The following CORIN variants were observed in gnomAD, a reference collection of about 807,000 sequenced individuals.
The protein encoded by CORIN is corin, serine peptidase.
A neutral mutation model predicts 125.3 loss-of-function variants in CORIN; 117 were observed. The observed-to-expected ratio is 0.93, with a 90% CI of 0.80 to 1.09. The LOEUF (loss-of-function observed/expected upper bound fraction) is 1.09. Ranked by LOEUF, CORIN falls within the 50% of genes least tolerant of loss-of-function variation. The probability of loss-of-function intolerance (pLI) is 0.00; values close to 1 mark genes in which losing one functional copy is unlikely to be tolerated. For missense variants in CORIN, 1,253 were observed against 1,306.7 expected (o/e 0.96, Z 0.63); for synonymous variants, 450 against 466.4 (o/e 0.96, Z 0.45).
At chr4:47,670,619 G>A (rs1724706649) in intron 10 of CORIN, among the ~76,000 whole-genome samples, 1 of 152,236 alleles carries the variant, frequency 6.6e-6, no homozygotes, top group Non-Finnish European at 1.5e-5. Flanking sequence ...GGAGGCTTGA[G>A]AGAGGGCCTG....
At chr4:47,701,433 G>A (rs1477318040) in intron 5 of CORIN, among the ~76,000 whole-genome samples, 1 of 152,068 alleles carries the variant, frequency 6.6e-6, no homozygotes, top group Non-Finnish European at 1.5e-5. Context: ...AAAAATAAGA[G>A]CTAAGTATAC....
intron 19 of CORIN, among the ~76,000 whole-genome samples, chr4:47,618,417 G>A (rs1319994171): frequency 1.3e-5 from 2 of 151,908 alleles, no homozygotes; most frequent in African/African-American, 4.8e-5. Flanking sequence ...GACTTTGGAG[G>A]CCTGCCCAGT....
At chr4:47,709,698 GT>G (rs1273941541) in intron 5 of CORIN, among the ~76,000 whole-genome samples, 4 of 151,900 alleles carry the variant, frequency 2.6e-5, no homozygotes, top group Admixed American at 1.3e-4. Context: ...TGATTATAAG[GT>G]TTTTTTCTTA....
rs1721226866 is a variant in CORIN, at chr4:47,595,789, T to C, written c.3061A>G (p.Ser1021Gly). ...FSKVLGPGVY[S>G]NVSYFVEWIK... ...CATTCGACGAAATATGACACATTAC[T>C]ATAAACGCCAGGCCCCAGGACTTTG... Residue 1021 changes from serine (S) to glycine (G), a missense_variant, in exon 22 of 22, where the codon AGT becomes GGT. Ser to Gly is a moderately conservative substitution (Grantham distance 56). Coordinates refer to ENST00000273857, the MANE Select transcript of CORIN (RefSeq NM_006587.4). 1.9e-6 allele frequency: 3 copies of C among 1,613,532 alleles called. No individual in the cohort carries two copies. Among genetic ancestry groups the C allele is most frequent in the African/African-American group, 1.3e-5 (1 of 74,860 alleles).
chr4:47,791,671 A>G (rs1231054476), intron 2 of CORIN, among the ~76,000 whole-genome samples: 1 of 152,202 alleles, frequency 6.6e-6, no homozygotes, highest in Non-Finnish European at 1.5e-5. Flanking sequence ...ACATATACAT[A>G]TACACACACT....
intron 5 of CORIN, among the ~76,000 whole-genome samples, chr4:47,733,747 A>G (rs544916945): frequency 6.6e-6 from 1 of 152,348 alleles, no homozygotes; most frequent in East Asian, 1.9e-4. Flanking sequence ...ACCTCTGACG[A>G]ACAGTTCCCA....
In CORIN at chr4:47,645,146, A is replaced by C. The variant is rs1484612522; in HGVS notation, c.1892T>G (p.Leu631Trp). ...LWECPSNKQC[L>W]KHTVICDGFP... ...CCCATCGCAGATCACTGTGTGCTTC[A>C]AACATTGTTTATTGGATGGACATTC... The change falls in exon 14 of 22, where the codon TTG (leucine) becomes TGG (tryptophan). Residue 631 changes from leucine (L) to tryptophan (W), a missense_variant. Leu to Trp is a moderately conservative substitution (Grantham distance 61, BLOSUM62 -2). Transcript: ENST00000273857. 6.2e-7 allele frequency: 1 copy of C among 1,613,086 alleles called. No homozygotes were observed.
chr4:47,835,066 T>C (rs1229380883), intron 1 of CORIN, among the ~76,000 whole-genome samples: 3 of 152,194 alleles, frequency 2.0e-5, no homozygotes, highest in African/African-American at 7.2e-5. Context: ...GGTCTGCCAT[T>C]TCCACCCTCT....
At chr4:47,790,957 T>G (rs1187462788) in intron 2 of CORIN, among the ~76,000 whole-genome samples, 1 of 152,136 alleles carries the variant, frequency 6.6e-6, no homozygotes, top group Non-Finnish European at 1.5e-5. Flanking sequence ...ATTCTAATAA[T>G]AATAATAGTC....
At chr4:47,642,435 G>A (rs1274032830) in intron 15 of CORIN, among the ~76,000 whole-genome samples, 1 of 152,224 alleles carries the variant, frequency 6.6e-6, no homozygotes, top group African/African-American at 2.4e-5. Flanking sequence ...GAACGCAAGT[G>A]CGTGAGAGGG....
intron 4 of CORIN, among the ~76,000 whole-genome samples, chr4:47,751,157 C>G (rs1380696743): frequency 1.3e-5 from 2 of 152,144 alleles, no homozygotes; most frequent in African/African-American, 4.8e-5. Context: ...GTTTTCATTT[C>G]CACTCAAAAG....
At position 47,623,725 on chromosome 4, in the gene CORIN, C is replaced by G. The variant is rs1376922404; in HGVS notation, c.2386G>C (p.Ala796Pro). ...CCAAGGATCCTTTTGTTCATTCGGG[C>G]AGCAGGGCGGCGCCCACAGTCTACC... ...TKQDCGRRPAARMNKRILGGR... is the reference protein window; with the variant it reads ...TKQDCGRRPAPRMNKRILGGR... The change falls in exon 19 of 22, where the codon GCC becomes CCC. Residue 796 changes from alanine (A) to proline (P), a missense_variant. Physicochemically the swap from Ala to Pro is conservative, Grantham distance 27. Transcript: ENST00000273857. The G allele has an allele frequency of 2.5e-6, 4 of 1,614,090 alleles. No homozygotes were observed. The highest frequency in any genetic ancestry group is 3.4e-6 in the Non-Finnish European group (4 of 1,180,034).
At chr4:47,751,373 C>T (rs922690531) in intron 4 of CORIN, among the ~76,000 whole-genome samples, 2 of 152,174 alleles carry the variant, frequency 1.3e-5, no homozygotes, top group Non-Finnish European at 2.9e-5. Flanking sequence ...CCTTTGCCTT[C>T]CAGTCAACTT....
At chr4:47,744,319 C>G in intron 5 of CORIN, 83 bp downstream of exon 5, 1 of 1,261,966 alleles carries the variant, frequency 7.9e-7, no homozygotes, top group Non-Finnish European at 1.1e-6. Flanking sequence ...TCAGACTGTA[C>G]ACTTATTATT....
At chr4:47,646,011 C>T (rs538633230) in intron 13 of CORIN, among the ~76,000 whole-genome samples, 33 of 137,694 alleles carry the variant, frequency 2.4e-4, no homozygotes, top group African/African-American at 8.7e-4. Context: ...TGAAGTGGCA[C>T]GTTCTTGGCT....
At chr4:47,744,363 T>A in intron 5 of CORIN, 39 bp downstream of exon 5, 1 of 1,577,994 alleles carries the variant, frequency 6.3e-7, no homozygotes, top group East Asian at 2.2e-5. Context: ...CATACTCAAA[T>A]AAAATCTTCT....
chr4:47,807,707 C>T (rs1316021565), intron 1 of CORIN, among the ~76,000 whole-genome samples: 1 of 152,174 alleles, frequency 6.6e-6, no homozygotes, highest in South Asian at 2.1e-4. Flanking sequence ...AGTGCAACAA[C>T]GACGGTTCAG....
chr4:47,786,117 G>A (rs1338260109), intron 3 of CORIN, among the ~76,000 whole-genome samples: 1 of 152,092 alleles, frequency 6.6e-6, no homozygotes, highest in Non-Finnish European at 1.5e-5. Flanking sequence ...CAAAATCAAT[G>A]CCACTATACT....
In CORIN at chr4:47,764,903, T is replaced by C. The variant is rs150709817; in HGVS notation, c.410-1317A>G. Among the ~76,000 whole-genome samples, 1,265 of 152,336 alleles carry C rather than the reference T, an allele frequency of 8.3e-3. 14 individuals are homozygous for C. Among genetic ancestry groups the C allele is most frequent in the African/African-American group, 0.029 (1,203 of 41,574 alleles). On this transcript the variant is annotated intron_variant, in intron 3 of 21. Coordinates refer to ENST00000273857, the MANE Select transcript of CORIN (RefSeq NM_006587.4). ...TAGGGGTTATCAGCTTTTGGGCTTATGCTTTTGATGGAAGCCCATATTTGA... is the reference window on the plus strand; with the variant it reads ...TAGGGGTTATCAGCTTTTGGGCTTACGCTTTTGATGGAAGCCCATATTTGA...
Sources: allele counts gnomAD v4.1 joint callset (sites outside exome capture counted in the v4.1 genomes callset), GRCh38; gene constraint gnomAD v4.1.1; transcripts MANE v1.5; gene names NCBI Gene and HGNC (gene_info 2026-07-23, HGNC 2026-07-21).